HAUS6: variants seen among roughly 807,000 people sequenced by gnomAD.
The protein encoded by HAUS6 is HAUS augmin-like complex subunit 6.
Under a neutral mutation model 106.8 loss-of-function variants are expected in HAUS6, and 80 were observed. The observed-to-expected ratio is 0.75, with a 90% CI of 0.63 to 0.90. The LOEUF is 0.90. HAUS6 is among the 40% of genes least tolerant of loss of function. The pLI is 0.00. For missense variants in HAUS6, 1,155 were observed against 1,118.1 expected, an observed-to-expected ratio of 1.03 and a Z score of -0.47; for synonymous variants, 356 against 379.1, an observed-to-expected ratio of 0.94 and a Z score of 0.71.
intron 11 of HAUS6, among the ~76,000 whole-genome samples, chr9:19,071,979 G>A (rs150893064): frequency 1.6e-4 from 24 of 150,620 alleles, no homozygotes; most frequent in African/African-American, 2.9e-4. Context: ...CAAGGTGGGC[G>A]GATCACCTAA....
rs1836464075 is a variant in HAUS6 at position 19,056,166 on chromosome 9, CCAAA to C, written c.*173_*176del. ...CATATACCTACAAAGAGGAAAAAAT[CCAAA>C]CATACTTTCCTTACCTAAAAATATT... On this transcript the variant is annotated 3_prime_UTR_variant, in exon 17 of 17. Transcript: ENST00000380502. The C allele has an allele frequency of 6.0e-6, 3 of 500,688 alleles. No individual in the cohort carries two copies. The highest frequency in any genetic ancestry group is 1.1e-5 in the Non-Finnish European group (3 of 281,862). 31.0% of individuals were successfully genotyped at this position (500,688 alleles called of 1,614,324 possible).
chr9:19,087,268 A>T, intron 5 of HAUS6, 112 bp from the exon 6 acceptor site: 1 of 699,794 alleles, frequency 1.4e-6, no homozygotes, highest in Non-Finnish European at 2.6e-6. Flanking sequence ...GGGTACAGCC[A>T]CCAGCAAGCT....
At chr9:19,061,117 T>C (rs759139392) in intron 14 of HAUS6, among the ~76,000 whole-genome samples, 8 of 152,222 alleles carry the variant, frequency 5.3e-5, no homozygotes, top group South Asian at 4.1e-4. Context: ...TGAGCCAAGA[T>C]CGTGCCATTG....
At chr9:19,080,982 G>T (rs1023169617) in intron 8 of HAUS6, among the ~76,000 whole-genome samples, 1 of 151,968 alleles carries the variant, frequency 6.6e-6, no homozygotes, top group Non-Finnish European at 1.5e-5. Context: ...TGAGGCAGGA[G>T]AATCGCTTGA....
rs199872806 is a variant in HAUS6 at position 19,090,606 on chromosome 9, GC to G, written c.437-1048del. Among the ~76,000 whole-genome samples the G allele has an allele frequency of 6.9e-4, 105 of 152,152 alleles. No individual in the cohort carries two copies. In the East Asian group the frequency reaches 0.018, roughly 26 times the overall value. ...TCTTGATCTCCTGGCCTCATGATCCGCCCGCCCTGACCTCCCAAAGTGCTGG... is the reference window on the plus strand; with the variant it reads ...TCTTGATCTCCTGGCCTCATGATCCGCCGCCCTGACCTCCCAAAGTGCTGG... On this transcript the variant is annotated intron_variant, in intron 4 of 16. Transcript: ENST00000380502.
At position 19,087,153 on chromosome 9, in the gene HAUS6, T is replaced by C; in HGVS notation, c.588A>G (p.Leu196=). The C allele has an allele frequency of 6.8e-7, 1 of 1,476,698 alleles. No homozygotes were observed. Among genetic ancestry groups the C allele is most frequent in the Non-Finnish European group, 9.5e-7 (1 of 1,055,518 alleles). 91.5% of individuals were successfully genotyped at this position (1,476,698 alleles called of 1,614,324 possible). ...VTQKYQENAQ[L]SVKQVRNLRS... is the part of the protein sequence containing the mutation. Reference sequence around the variant, plus strand: ...TCAAGTTTCGTACCTGCTTAACTGATAATCTGCAAGAAAACATACAAAATG... The same window carrying C: ...TCAAGTTTCGTACCTGCTTAACTGACAATCTGCAAGAAAACATACAAAATG... Residue 196 remains leucine, a synonymous_variant, in exon 6 of 17, where the codon TTA becomes TTG. Coordinates refer to ENST00000380502, the MANE Select transcript of HAUS6 (RefSeq NM_017645.5).
In HAUS6 at chr9:19,083,831, GA is replaced by G. The variant is rs528707221; in HGVS notation, c.700-789del. Among the ~76,000 whole-genome samples the G allele has an allele frequency of 1.0e-3, 156 of 149,740 alleles. 1 individual carries two copies. Among genetic ancestry groups the G allele is most frequent in the African/African-American group, 3.6e-3 (145 of 40,608 alleles). On this transcript the variant is annotated intron_variant, in intron 7 of 16. Transcript: ENST00000380502. ...AAAAAAAAAAAATTTTTTTTCAAGA[GA>G]AAAAAACTACTACATCTCAATTTTA...
At position 19,058,631 on chromosome 9, in the gene HAUS6, C is replaced by T; in HGVS notation, c.2136G>A (p.Glu712=). 6.2e-7 allele frequency: 1 copy of T among 1,606,580 alleles called. No individual in the cohort carries two copies. Among genetic ancestry groups the T allele is most frequent in the Non-Finnish European group, 8.5e-7 (1 of 1,173,758 alleles). ...FTKLSETSRM[E]TFSPAVGNRI... ...TATTGCCGACAGCAGGGGAGAATGTCTCCATTCGGCTAGTTTCTGAAAGCT... is the reference window on the plus strand; with the variant it reads ...TATTGCCGACAGCAGGGGAGAATGTTTCCATTCGGCTAGTTTCTGAAAGCT... Residue 712 remains glutamate, a synonymous_variant, in exon 16 of 17, where the codon GAG becomes GAA. Transcript: ENST00000380502.
chr9:19,100,020 C>T (rs71508776), intron 1 of HAUS6, among the ~76,000 whole-genome samples: 10,880 of 152,246 alleles, frequency 0.071, 420 homozygotes, highest in East Asian at 0.1. Flanking sequence ...TGGAGAAACC[C>T]GGTCTCTACT....
In HAUS6 at chr9:19,053,745, TA is replaced by T. The variant is rs1214804582; in HGVS notation, c.*2597del. The T allele has an allele frequency of 6.6e-6, 1 of 152,156 alleles. No homozygotes were observed. The highest frequency in any genetic ancestry group is 2.4e-5 in the African/African-American group (1 of 41,446). The allele number at this position is 152,156 out of a possible 1,614,324, so 9.4% of individuals were successfully genotyped here. A position where few individuals can be genotyped will look rare whatever the true frequency, so the allele number is the denominator to read the frequency against. On this transcript the variant is annotated 3_prime_UTR_variant, in exon 17 of 17. Coordinates refer to ENST00000380502, the MANE Select transcript of HAUS6 (RefSeq NM_017645.5). The stretch of plus-strand genomic sequence containing the variant: ...GTAATAAGAAATCCACTTAGAGTAA[TA>T]AATTAGCCCTCTTTACCATTTATTC...
intron 12 of HAUS6, chr9:19,063,856 T>C (rs756231356): frequency 3.3e-6 from 2 of 601,944 alleles, no homozygotes; most frequent in African/African-American, 3.6e-5. Flanking sequence ...AGTGACTTAA[T>C]GAATACTCCA....
intron 1 of HAUS6, among the ~76,000 whole-genome samples, chr9:19,097,706 T>G (rs1817893590): frequency 6.6e-6 from 1 of 151,382 alleles, no homozygotes; most frequent in Admixed American, 6.6e-5. Flanking sequence ...ACCATCTTTA[T>G]AACATAATGC....
At chr9:19,073,048 T>C (rs186434905) in intron 11 of HAUS6, among the ~76,000 whole-genome samples, 2 of 152,102 alleles carry the variant, frequency 1.3e-5, no homozygotes, top group South Asian at 2.1e-4. Flanking sequence ...TGTTTATAGG[T>C]CTATACATAT....
Position 19,059,948 on chromosome 9 carries a change from T to C in HAUS6, c.1765+140A>G, listed in dbSNP as rs185938479. 7.2e-5 allele frequency: 42 copies of C among 582,758 alleles called. No homozygotes were observed. In the Middle Eastern group the frequency reaches 4.4e-3, roughly 62 times the overall value. 36.1% of individuals were successfully genotyped at this position (582,758 alleles called of 1,614,324 possible). ...CTGCTAAAAGACTGTTATGTGAGAA[T>C]GCCCACACTTAGTACGTCGATTACA... On this transcript the variant is annotated intron_variant, in intron 15 of 16. Transcript: ENST00000380502.
intron 5 of HAUS6, among the ~76,000 whole-genome samples, chr9:19,088,461 T>C (rs1040594402): frequency 6.6e-6 from 1 of 151,368 alleles, no homozygotes; most frequent in African/African-American, 2.4e-5. Flanking sequence ...ATGCAAAAAT[T>C]TACAGAATGA....
intron 9 of HAUS6, 86 bp downstream of exon 9, chr9:19,080,393 C>G: frequency 1.3e-6 from 1 of 797,694 alleles, no homozygotes; most frequent in South Asian, 1.5e-5. Flanking sequence ...TTTGCCAAAG[C>G]TGAAGAGCTA....
In HAUS6 at chr9:19,086,812, A is replaced by G. The variant is rs372173059; in HGVS notation, c.651-30T>C. 1.3e-5 allele frequency: 12 copies of G among 894,308 alleles called. No homozygotes were observed. In the African/African-American group the frequency reaches 1.7e-4, roughly 13 times the overall value. 55.4% of individuals were successfully genotyped at this position (894,308 alleles called of 1,614,324 possible). ...TAAAAATTAAATAATCTAATTAGTC[A>G]TATTAAAAATCACATGGTAATTTAA... On this transcript the variant is annotated intron_variant, in intron 6 of 16. Coordinates refer to ENST00000380502, the MANE Select transcript of HAUS6 (RefSeq NM_017645.5).
chr9:19,059,960 G>A (rs1836572160), intron 15 of HAUS6, 128 bp downstream of exon 15: 2 of 639,910 alleles, frequency 3.1e-6, no homozygotes, highest in African/African-American at 1.8e-5. Flanking sequence ...CCCACACTTA[G>A]TACGTCGATT....
intron 7 of HAUS6, 57 bp from the exon 8 acceptor site, chr9:19,083,100 A>AT: frequency 3.0e-6 from 3 of 994,052 alleles, no homozygotes; most frequent in Non-Finnish European, 4.3e-6. Context: ...ATATTTTAAA[A>AT]ATGTAAATGT....
Sources: allele counts gnomAD v4.1 joint callset (sites outside exome capture counted in the v4.1 genomes callset), GRCh38; gene constraint gnomAD v4.1.1; transcripts MANE v1.5; gene names NCBI Gene and HGNC (gene_info 2026-07-23, HGNC 2026-07-21).